Variants in COL6A5 observed in about 807,000 individuals in gnomAD.
COL6A5 encodes the protein collagen alpha-5(VI) chain.
A neutral mutation model predicts 65.6 loss-of-function variants in COL6A5; 48 were observed. The observed-to-expected ratio is 0.73, with a 90% CI of 0.58 to 0.93. The LOEUF (loss-of-function observed/expected upper bound fraction) is 0.93. COL6A5 is among the 40% of genes least tolerant of loss of function. The pLI is 0.00. For missense variants in COL6A5, 914 were observed against 928.3 expected (o/e 0.98, Z 0.20); for synonymous variants, 291 against 322.8 (o/e 0.90, Z 1.05).
chr3:130,462,599 A>G (rs951908309), intron 5 of COL6A5, among the ~76,000 whole-genome samples: 1 of 152,134 alleles, frequency 6.6e-6, no homozygotes, highest in Non-Finnish European at 1.5e-5. Flanking sequence ...TATATTTAAG[A>G]TAATGAAATT....
intron 5 of COL6A5, 40 bp downstream of exon 5, chr3:130,385,404 C>T (rs1389159302): frequency 1.3e-6 from 2 of 1,521,152 alleles, no homozygotes; most frequent in South Asian, 1.3e-5. Context: ...CACATTTCAT[C>T]AATTGCTTTA....
chr3:130,474,147 C>T (rs1710029417), intron 7 of COL6A5, among the ~76,000 whole-genome samples: 2 of 152,136 alleles, frequency 1.3e-5, no homozygotes, highest in Admixed American at 1.3e-4. Context: ...GAGAGCTGAA[C>T]AAAGGAATAC....
chr3:130,466,905 A>C (rs1709831747), intron 5 of COL6A5, among the ~76,000 whole-genome samples: 1 of 151,952 alleles, frequency 6.6e-6, no homozygotes, highest in Non-Finnish European at 1.5e-5. Context: ...ACTCAAGAAG[A>C]AATAACCTAA....
At chr3:130,400,150 C>T (rs1350245764) in intron 10 of COL6A5, among the ~76,000 whole-genome samples, 1 of 152,172 alleles carries the variant, frequency 6.6e-6, no homozygotes, top group Non-Finnish European at 1.5e-5. Context: ...CTCCATCTTC[C>T]ATCTCTGGTT....
At chr3:130,403,747 T>A in intron 13 of COL6A5, 85 bp downstream of exon 13, 1 of 1,060,200 alleles carries the variant, frequency 9.4e-7, no homozygotes. Flanking sequence ...ACTTATTTTC[T>A]TTTTCATAAA....
At chr3:130,395,575 A>C in intron 8 of COL6A5, 110 bp downstream of exon 8, 1 of 833,856 alleles carries the variant, frequency 1.2e-6, no homozygotes, top group South Asian at 1.7e-5. Context: ...ACATATATTT[A>C]GTGAGAATAT....
chr3:130,379,651 C>T lies in COL6A5; in HGVS notation c.901C>T (p.Gln301Ter), dbSNP rs754497509. Reference sequence around the variant, plus strand: ...CACAACCCAATCTGAATTTCAGCAGCAAATCAAGAATCTTTCTATCCAAGT... The same window carrying T: ...CACAACCCAATCTGAATTTCAGCAGTAAATCAAGAATCTTTCTATCCAAGT... Residue 301 changes from glutamine to a stop codon, truncating the protein, a stop_gained and NMD_transcript_variant, in exon 4 of 42, where the codon CAA becomes TAA. Coordinates refer to the COL6A5 transcript ENST00000312481. The T allele has an allele frequency of 1.9e-5, 29 of 1,551,306 alleles. No homozygotes were observed. The East Asian group carries it at 2.2e-4, about 12-fold the overall frequency.
chr3:130,414,763 G>T (rs1218221859), intron 22 of COL6A5, among the ~76,000 whole-genome samples: 1 of 152,062 alleles, frequency 6.6e-6, no homozygotes, highest in Non-Finnish European at 1.5e-5. Flanking sequence ...CCCACCTTAA[G>T]CCTGGACTCG....
chr3:130,467,209 G>T (rs929664738), intron 5 of COL6A5, among the ~76,000 whole-genome samples: 1 of 151,810 alleles, frequency 6.6e-6, no homozygotes, highest in African/African-American at 2.4e-5. Flanking sequence ...CTGGATAATT[G>T]GGATATCTGC....
intron 17 of COL6A5, among the ~76,000 whole-genome samples, chr3:130,406,967 G>T (rs189454745): frequency 3.5e-4 from 53 of 152,274 alleles, no homozygotes; most frequent in Admixed American, 3.1e-3. Flanking sequence ...AGATCCCACA[G>T]TATAGTTGGG....
chr3:130,416,528 C>T (rs1301453042), intron 23 of COL6A5, among the ~76,000 whole-genome samples: 1 of 152,110 alleles, frequency 6.6e-6, no homozygotes, highest in East Asian at 1.9e-4. Context: ...CCCGTATGGA[C>T]TAGTGATGTC....
intron 1 of COL6A5, among the ~76,000 whole-genome samples, chr3:130,366,094 G>T (rs1419751706): frequency 6.6e-6 from 1 of 152,210 alleles, no homozygotes; most frequent in Non-Finnish European, 1.5e-5. Context: ...GGGCCTTCAT[G>T]ATTTGGATGG....
chr3:130,476,773 G>T, intron 7 of COL6A5: 1 of 543,442 alleles, frequency 1.8e-6, no homozygotes, highest in Non-Finnish European at 3.5e-6. Flanking sequence ...CGTCTTTGTT[G>T]TTTGTTATTA....
chr3:130,414,281 T>G, intron 22 of COL6A5, 150 bp downstream of exon 22: 1 of 663,846 alleles, frequency 1.5e-6, no homozygotes, highest in Non-Finnish European at 2.6e-6. Context: ...GGTGATTTCA[T>G]TCCATCAAAC....
intron 13 of COL6A5, among the ~76,000 whole-genome samples, chr3:130,405,224 A>T (rs756117847): frequency 6.6e-6 from 1 of 152,170 alleles, no homozygotes; most frequent in Non-Finnish European, 1.5e-5. Context: ...ACTGTCAGCA[A>T]TGCTGACTCT....
chr3:130,444,790 A>G (rs1709269068), intron 4 of COL6A5, among the ~76,000 whole-genome samples: 1 of 152,210 alleles, frequency 6.6e-6, no homozygotes, highest in Non-Finnish European at 1.5e-5. Context: ...AGCTCCAGGC[A>G]TGATGGATAA....
intron 6 of COL6A5, among the ~76,000 whole-genome samples, chr3:130,470,098 G>A (rs1207168541): frequency 6.6e-6 from 1 of 152,004 alleles, no homozygotes; most frequent in Admixed American, 6.6e-5. Flanking sequence ...TGAGCCATAG[G>A]GACAAATCTC....
Position 130,367,501 on chromosome 3 carries a change from T to C in COL6A5, c.-28-6110T>C, listed in dbSNP as rs1935385594. Among the ~76,000 whole-genome samples, 3 of 152,214 alleles carry C rather than the reference T, an allele frequency of 2.0e-5. No individual in the cohort carries two copies. In the South Asian group the frequency reaches 6.2e-4, roughly 31 times the overall value. On this transcript the variant is annotated intron_variant and NMD_transcript_variant, in intron 1 of 41. Transcript: ENST00000312481. ...CCTGAATACTCACTCTGCCAAGCAC[T>C]GGAGACGTAAAGATGTATCAAACAT...
At chr3:130,371,637 T>C (rs1360873338) in intron 1 of COL6A5, among the ~76,000 whole-genome samples, 1 of 151,264 alleles carries the variant, frequency 6.6e-6, no homozygotes, top group East Asian at 1.9e-4. Flanking sequence ...TACGAAAGAG[T>C]GAAATTGTAT....
Sources: allele counts gnomAD v4.1 joint callset (sites outside exome capture counted in the v4.1 genomes callset), GRCh38; gene constraint gnomAD v4.1.1; transcripts MANE v1.5; gene names NCBI Gene and HGNC (gene_info 2026-07-23, HGNC 2026-07-21).